Variants in CNTLN observed in about 807,000 individuals in gnomAD.
CNTLN encodes the protein centlein, centrosomal protein.
In CNTLN, 212 loss-of-function variants were observed where a neutral mutation model predicts 180.0. The observed-to-expected ratio is 1.18, with a 90% CI of 1.05 to 1.32. CNTLN has a LOEUF of 1.32. Among genes scored for constraint, CNTLN ranks in the 40% most tolerant of loss-of-function variants. The pLI, the probability that CNTLN is intolerant of heterozygous loss-of-function variation, is 0.00. For missense variants in CNTLN, 2,095 were observed against 1,610.9 expected (o/e 1.30, Z -5.14); for synonymous variants, 722 against 563.1 (o/e 1.28, Z -3.99).
At chr9:17,264,812 T>G (rs902308345) in intron 5 of CNTLN, among the ~76,000 whole-genome samples, 8 of 152,044 alleles carry the variant, frequency 5.3e-5, no homozygotes, top group East Asian at 3.9e-4. Context: ...ATTGTGAATG[T>G]GAGTTCACTC....
intron 2 of CNTLN, among the ~76,000 whole-genome samples, chr9:17,156,375 C>T (rs914582860): frequency 9.9e-5 from 15 of 151,976 alleles, no homozygotes; most frequent in Non-Finnish European, 1.8e-4. Context: ...ATATCTAGTC[C>T]GTTTTCACAT....
chr9:17,137,614 C>T (rs1817809989), intron 1 of CNTLN, among the ~76,000 whole-genome samples: 2 of 152,042 alleles, frequency 1.3e-5, no homozygotes, highest in Non-Finnish European at 2.9e-5. Context: ...AAATGCTGTC[C>T]AGATCTAAAT....
intron 25 of CNTLN, among the ~76,000 whole-genome samples, chr9:17,490,607 A>G (rs2134354429): frequency 6.6e-6 from 1 of 152,118 alleles, no homozygotes; most frequent in South Asian, 2.1e-4. Flanking sequence ...CTGCTTACGG[A>G]TAGAATTTCT....
At chr9:17,202,966 G>A (rs958694585) in intron 2 of CNTLN, among the ~76,000 whole-genome samples, 1 of 152,006 alleles carries the variant, frequency 6.6e-6, no homozygotes, top group Admixed American at 6.6e-5. Flanking sequence ...TTTTGCAGTG[G>A]CTGGTACTGG....
intron 22 of CNTLN, 87 bp downstream of exon 22, chr9:17,466,205 A>C (rs1831738102): frequency 1.7e-6 from 2 of 1,188,000 alleles, no homozygotes; most frequent in East Asian, 4.9e-5. Context: ...TTTCCTTCCC[A>C]AAACCACAAG....
intron 7 of CNTLN, among the ~76,000 whole-genome samples, chr9:17,304,570 C>T (rs1159142824): frequency 6.6e-6 from 1 of 152,044 alleles, no homozygotes; most frequent in African/African-American, 2.4e-5. Context: ...TCATTTTTGG[C>T]TATAAATAGT....
chr9:17,372,152 T>C (rs1824374603), intron 13 of CNTLN, among the ~76,000 whole-genome samples: 1 of 151,644 alleles, frequency 6.6e-6, no homozygotes, highest in Non-Finnish European at 1.5e-5. Flanking sequence ...TAAAACAATA[T>C]GAAAAAATCA....
At chr9:17,383,429 A>G (rs1286821634) in intron 13 of CNTLN, among the ~76,000 whole-genome samples, 1 of 151,900 alleles carries the variant, frequency 6.6e-6, no homozygotes, top group Non-Finnish European at 1.5e-5. Flanking sequence ...CTGGAGGATC[A>G]CTTGAGCTCT....
At chr9:17,215,460 C>G (rs912558424) in intron 2 of CNTLN, among the ~76,000 whole-genome samples, 25 of 146,068 alleles carry the variant, frequency 1.7e-4, no homozygotes, top group African/African-American at 7.0e-4. Context: ...CAGTCTGCCC[C>G]TACTAGGGGG....
At chr9:17,393,720 CTTA>C (rs1032246950) in intron 14 of CNTLN, among the ~76,000 whole-genome samples, 14 of 152,096 alleles carry the variant, frequency 9.2e-5, no homozygotes, top group African/African-American at 3.4e-4. Flanking sequence ...AACAATAACA[CTTA>C]TTATTAATAA....
chr9:17,284,361 G>C (rs1828847619), intron 6 of CNTLN, among the ~76,000 whole-genome samples: 1 of 152,126 alleles, frequency 6.6e-6, no homozygotes, highest in Non-Finnish European at 1.5e-5. Flanking sequence ...TTGCACCTCT[G>C]ATAGAATTCA....
chr9:17,297,356 T>C (rs1393697189), intron 6 of CNTLN, among the ~76,000 whole-genome samples: 1 of 152,192 alleles, frequency 6.6e-6, no homozygotes, highest in Non-Finnish European at 1.5e-5. Flanking sequence ...CATTCTCCCA[T>C]AGATAATAAG....
chr9:17,462,892 A>T (rs1300076283), intron 19 of CNTLN, 24 bp from the exon 20 acceptor site: 2 of 1,353,526 alleles, frequency 1.5e-6, no homozygotes, highest in South Asian at 1.4e-5. Context: ...GGTATATTTA[A>T]ATTTATTTCT....
intron 13 of CNTLN, among the ~76,000 whole-genome samples, chr9:17,379,436 C>T (rs1161162895): frequency 6.6e-6 from 1 of 152,090 alleles, no homozygotes; most frequent in Non-Finnish European, 1.5e-5. Context: ...CTCCCTGGAA[C>T]CCAGGGTATG....
At chr9:17,400,776 T>C (rs1052683109) in intron 15 of CNTLN, among the ~76,000 whole-genome samples, 5 of 152,200 alleles carry the variant, frequency 3.3e-5, no homozygotes, top group Non-Finnish European at 7.3e-5. Flanking sequence ...GTGTGAAATG[T>C]ATATGTTAAT....
intron 5 of CNTLN, among the ~76,000 whole-genome samples, chr9:17,259,714 G>A (rs1826803104): frequency 6.6e-6 from 1 of 150,694 alleles, no homozygotes; most frequent in South Asian, 2.1e-4. Context: ...GAGAGTGTAT[G>A]TGTCGAGGAA....
At chr9:17,135,570 G>A (rs969612624) in intron 1 of CNTLN, 145 bp downstream of exon 1, 282 of 1,117,348 alleles carry the variant, frequency 2.5e-4, no homozygotes, top group Middle Eastern at 3.1e-4. Flanking sequence ...GCTCGCGGCC[G>A]GGGGCTGGAG....
At chr9:17,424,409 A>G (rs1828942276) in intron 18 of CNTLN, among the ~76,000 whole-genome samples, 1 of 152,272 alleles carries the variant, frequency 6.6e-6, no homozygotes, top group South Asian at 2.1e-4. Context: ...TTCCAATAAT[A>G]TTACTTAAGT....
At chr9:17,246,957 A>G (rs890005883) in intron 5 of CNTLN, among the ~76,000 whole-genome samples, 1 of 151,986 alleles carries the variant, frequency 6.6e-6, no homozygotes, top group African/African-American at 2.4e-5. Context: ...TGCGTGCCTC[A>G]GGGCACTCCC....
Sources: gnomAD v4.1 joint callset for allele counts (sites outside exome capture counted in the v4.1 genomes callset) on GRCh38, gnomAD v4.1.1 for gene constraint, MANE v1.5 for transcripts, NCBI Gene and HGNC (gene_info 2026-07-23, HGNC 2026-07-21) for gene names.